THRB: variants seen among roughly 807,000 people sequenced by gnomAD.
THRB encodes the protein thyroid hormone receptor beta.
Under a neutral mutation model 47.8 loss-of-function variants are expected in THRB, and 12 were observed. The ratio of observed to expected loss-of-function variants is 0.25; its 90% confidence interval spans 0.16 to 0.41. The LOEUF is 0.41. Ranked by LOEUF, THRB falls within the 10% of genes least tolerant of loss-of-function variation. The pLI is 1.00. For missense variants in THRB, 348 were observed against 589.2 expected (o/e 0.59, Z 4.24); for synonymous variants, 218 against 212.2 (o/e 1.03, Z -0.24).
At chr3:24,154,682 CTT>C (rs1324674689) in intron 5 of THRB, among the ~76,000 whole-genome samples, 1 of 152,144 alleles carries the variant, frequency 6.6e-6, no homozygotes, top group Non-Finnish European at 1.5e-5. Flanking sequence ...CACAAAGTAA[CTT>C]TTAAACCACA....
chr3:24,140,098 T>G lies in THRB; in HGVS notation c.738+3403A>C, dbSNP rs550410594. ...ATTCTTAATGTCCTTGCAGGACTAATTCACTACTCAAAAGAGTGAAATTTT... is the reference window on the plus strand; with the variant it reads ...ATTCTTAATGTCCTTGCAGGACTAAGTCACTACTCAAAAGAGTGAAATTTT... On this transcript the variant is annotated intron_variant, in intron 8 of 10. Coordinates refer to ENST00000646209, the MANE Select transcript of THRB (RefSeq NM_001354712.2). Among the ~76,000 whole-genome samples, 24 of 152,358 alleles carry G rather than the reference T, an allele frequency of 1.6e-4. No homozygotes were observed. The East Asian group carries it at 4.4e-3, about 28-fold the overall frequency.
At chr3:24,168,512 C>T (rs1442444249) in intron 5 of THRB, among the ~76,000 whole-genome samples, 6 of 115,910 alleles carry the variant, frequency 5.2e-5, no homozygotes, top group Non-Finnish European at 7.5e-5. Flanking sequence ...TATATATATG[C>T]GCCTAGGTGT....
In THRB at chr3:24,187,242, G is replaced by A. The variant is rs76117700; in HGVS notation, c.283+2832C>T. On this transcript the variant is annotated intron_variant, in intron 5 of 10. Coordinates refer to ENST00000646209, the MANE Select transcript of THRB (RefSeq NM_001354712.2). ...CATGCATTTGGATGCCAGTGGCAATGTCAAACTGCTATAAAAGTTCCTAAA... is the reference window on the plus strand; with the variant it reads ...CATGCATTTGGATGCCAGTGGCAATATCAAACTGCTATAAAAGTTCCTAAA... Among the ~76,000 whole-genome samples, 287 of 152,270 alleles carry A rather than the reference G, an allele frequency of 1.9e-3. 1 individual carries two copies. The highest frequency in any genetic ancestry group is 6.8e-3 in the African/African-American group (282 of 41,550).
At chr3:24,389,816 A>C (rs773743861) in intron 1 of THRB, among the ~76,000 whole-genome samples, 7 of 152,144 alleles carry the variant, frequency 4.6e-5, no homozygotes, top group Non-Finnish European at 8.8e-5. Context: ...TAGCTTCAGC[A>C]ATAAGCAATA....
rs751368272 is a variant in THRB, at chr3:24,190,301, T to C, written c.56A>G (p.His19Arg). 2 of 1,614,126 alleles carry C rather than the reference T, an allele frequency of 1.2e-6. No individual in the cohort carries two copies. The highest frequency in any genetic ancestry group is 3.3e-5 in the Admixed American group (2 of 60,020). The change falls in exon 5 of 11, where the codon CAC (histidine) becomes CGC (arginine). Residue 19 changes from histidine to arginine, a missense_variant. Transcript: ENST00000646209. Reference sequence around the variant, plus strand: ...CCAGTCGTGTTCTCGGTCTGGACAGTGCTTCGGTTTGTCCCAGGCTGTAAG... The same window carrying C: ...CCAGTCGTGTTCTCGGTCTGGACAGCGCTTCGGTTTGTCCCAGGCTGTAAG... The part of the protein sequence containing the change: ...NGLTAWDKPK[H>R]CPDREHDWKL...
At chr3:24,339,081 T>C (rs1161748561) in intron 1 of THRB, among the ~76,000 whole-genome samples, 1 of 152,182 alleles carries the variant, frequency 6.6e-6, no homozygotes, top group African/African-American at 2.4e-5. Context: ...CAATTATGTA[T>C]ACATATACAC....
intron 1 of THRB, among the ~76,000 whole-genome samples, chr3:24,468,967 C>T (rs555062987): frequency 2.0e-5 from 3 of 152,192 alleles, no homozygotes; most frequent in South Asian, 2.1e-4. Context: ...CAGGGTAAAG[C>T]AGGGTTCAAT....
chr3:24,256,760 AAG>A (rs141974361), intron 3 of THRB, among the ~76,000 whole-genome samples: 3,307 of 152,254 alleles, frequency 0.022, 101 homozygotes, highest in African/African-American at 0.075. Context: ...ATTTTCTCTG[AAG>A]GAGAAGGTGA....
rs745984020 is a variant in THRB, at chr3:24,127,596, C to T, written c.1047G>A (p.Val349=). ...TGCCCAGGTCAAAGATGGCGTCTGA[C>T]ACCACCCCAAGACCCCCATTTTTCA... ...GQLKNGGLGV[V]SDAIFDLGMS... is the part of the protein sequence containing the mutation. The change falls in exon 10 of 11, where the codon GTG becomes GTA. Residue 349 remains valine (V), a synonymous_variant. Coordinates refer to ENST00000646209, the MANE Select transcript of THRB (RefSeq NM_001354712.2). 2.2e-5 allele frequency: 35 copies of T among 1,614,078 alleles called. 1 individual carries two copies. Among genetic ancestry groups the T allele is most frequent in the Admixed American group, 2.2e-4 (13 of 60,002 alleles).
chr3:24,307,302 T>A (rs1389264523), intron 2 of THRB, among the ~76,000 whole-genome samples: 1 of 136,868 alleles, frequency 7.3e-6, no homozygotes, highest in Non-Finnish European at 1.7e-5. Context: ...GGAGAAAAAA[T>A]TTAAACTACA....
intron 1 of THRB, among the ~76,000 whole-genome samples, chr3:24,441,660 T>C (rs1165478469): frequency 6.6e-6 from 1 of 151,692 alleles, no homozygotes; most frequent in Non-Finnish European, 1.5e-5. Flanking sequence ...TGTTTATAGT[T>C]TACCCATCCC....
chr3:24,434,829 A>C (rs902937581), intron 1 of THRB, among the ~76,000 whole-genome samples: 3 of 152,178 alleles, frequency 2.0e-5, no homozygotes, highest in Non-Finnish European at 4.4e-5. Context: ...TTGGCATGTC[A>C]TGGGGAGGAA....
At chr3:24,143,924 G>A (rs938196721) in intron 7 of THRB, 8 of 591,294 alleles carry the variant, frequency 1.4e-5, no homozygotes, top group African/African-American at 3.7e-5. Flanking sequence ...CCCCATGACC[G>A]GCCAGCTTTT....
At chr3:24,465,981 AT>A (rs2074120296) in intron 1 of THRB, among the ~76,000 whole-genome samples, 2 of 152,036 alleles carry the variant, frequency 1.3e-5, no homozygotes, top group Middle Eastern at 3.4e-3. Context: ...TAAGCTCTTT[AT>A]TTATGAGAAG....
intron 1 of THRB, among the ~76,000 whole-genome samples, chr3:24,341,120 T>A (rs2062612233): frequency 7.2e-6 from 1 of 138,424 alleles, no homozygotes; most frequent in South Asian, 2.2e-4. Context: ...TTTGTCAATA[T>A]CTATTTTTTT....
chr3:24,306,730 T>C (rs890683477), intron 2 of THRB, among the ~76,000 whole-genome samples: 4 of 152,156 alleles, frequency 2.6e-5, no homozygotes, highest in African/African-American at 9.7e-5. Context: ...AGTCTTTGAA[T>C]TGGCACATTA....
At chr3:24,218,680 C>G (rs1266536481) in intron 4 of THRB, among the ~76,000 whole-genome samples, 1 of 152,028 alleles carries the variant, frequency 6.6e-6, no homozygotes, top group African/African-American at 2.4e-5. Flanking sequence ...GCTCCAGACT[C>G]TATGTTAAGT....
chr3:24,246,290 G>T (rs2050106449), intron 3 of THRB, among the ~76,000 whole-genome samples: 1 of 152,172 alleles, frequency 6.6e-6, no homozygotes, highest in Admixed American at 6.5e-5. Flanking sequence ...TACACACCAA[G>T]AGAAGAGCTG....
At chr3:24,495,700 T>A (rs1310798833), upstream of THRB, 1 of 152,008 alleles carries the variant, frequency 6.6e-6, no homozygotes, top group African/African-American at 2.4e-5. Flanking sequence ...TCGGCCTTCT[T>A]TGCCCGGCCC....
Sources: allele counts gnomAD v4.1 joint callset (sites outside exome capture counted in the v4.1 genomes callset), GRCh38; gene constraint gnomAD v4.1.1; transcripts MANE v1.5; gene names NCBI Gene and HGNC (gene_info 2026-07-23, HGNC 2026-07-21).